The following HNF4G variants were observed in gnomAD, a reference collection of about 807,000 sequenced individuals.
The protein encoded by HNF4G is hepatocyte nuclear factor 4 gamma, also known as hepatocyte nuclear factor 4-gamma.
In HNF4G, 21 loss-of-function variants were observed where a neutral mutation model predicts 50.9. The observed-to-expected ratio is 0.41, with a 90% CI of 0.29 to 0.59. The LOEUF (loss-of-function observed/expected upper bound fraction) is 0.59, where lower values mean the gene tolerates loss of function less well. Among genes scored for constraint, HNF4G ranks in the 20% least tolerant of loss-of-function variants. HNF4G has a pLI of 0.26. For missense variants in HNF4G, 527 were observed against 559.4 expected (o/e 0.94, Z 0.58); for synonymous variants, 198 against 185.6 (o/e 1.07, Z -0.54).
intron 1 of HNF4G, among the ~76,000 whole-genome samples, chr8:75,451,529 G>T (rs192025696): frequency 1.4e-3 from 209 of 152,252 alleles, no homozygotes; most frequent in African/African-American, 4.7e-3. Context: ...AATGGTATGA[G>T]ATGAAGGTTA....
chr8:75,547,857 G>A (rs1806833571), intron 3 of HNF4G, among the ~76,000 whole-genome samples, 176 bp downstream of exon 3: 1 of 152,072 alleles, frequency 6.6e-6, no homozygotes, highest in Non-Finnish European at 1.5e-5. Flanking sequence ...CAGTTATTGA[G>A]TGGTATAGCC....
chr8:75,438,444 A>G (rs1251850466), intron 1 of HNF4G, among the ~76,000 whole-genome samples: 1 of 152,198 alleles, frequency 6.6e-6, no homozygotes, highest in Admixed American at 6.5e-5. Context: ...CCTGTCCCTA[A>G]CATCCAACCC....
intron 2 of HNF4G, among the ~76,000 whole-genome samples, chr8:75,546,154 T>C (rs550250781): frequency 6.0e-4 from 91 of 152,280 alleles, no homozygotes; most frequent in African/African-American, 1.9e-3. Context: ...TCAATATGTA[T>C]GGATAATTTT....
intron 1 of HNF4G, among the ~76,000 whole-genome samples, chr8:75,449,785 G>A (rs182302979): frequency 2.0e-5 from 3 of 152,108 alleles, no homozygotes; most frequent in Admixed American, 2.0e-4. Flanking sequence ...GGGATTACAG[G>A]CATGAGCCAC....
rs1472369294 is a variant in HNF4G, at chr8:75,565,078, A to G, written c.*982A>G. On this transcript the variant is annotated 3_prime_UTR_variant, in exon 10 of 10. Coordinates refer to ENST00000396423, the MANE Select transcript of HNF4G (RefSeq NM_004133.5). ...TATCATTATCGCTGTTTTATAAATAAGGGAAACTTTAGCTTGAGGGTTTAA... is the reference window on the plus strand; with the variant it reads ...TATCATTATCGCTGTTTTATAAATAGGGGAAACTTTAGCTTGAGGGTTTAA... 6.6e-6 allele frequency: 1 copy of G among 152,230 alleles called. No homozygotes were observed. The highest frequency in any genetic ancestry group is 2.4e-5 in the African/African-American group (1 of 41,462). The allele number at this position is 152,230 out of a possible 1,614,324, so 9.4% of individuals were successfully genotyped here.
chr8:75,541,257 T>A (rs2943553), intron 1 of HNF4G, among the ~76,000 whole-genome samples: 100,310 of 151,974 alleles, frequency 0.66, 35,038 homozygotes, highest in African/African-American at 0.9. Context: ...GAAATAACGA[T>A]TTTGTATGGC....
chr8:75,425,152 C>A (rs2130501496), intron 1 of HNF4G, among the ~76,000 whole-genome samples: 1 of 151,436 alleles, frequency 6.6e-6, no homozygotes, highest in Middle Eastern at 3.4e-3. Context: ...GTGGTGCAAT[C>A]TCGGCTCACT....
At chr8:75,437,562 G>A (rs977027413) in intron 1 of HNF4G, among the ~76,000 whole-genome samples, 16 of 152,212 alleles carry the variant, frequency 1.1e-4, no homozygotes, top group Admixed American at 3.3e-4. Flanking sequence ...TTTATAAAAT[G>A]TGACAAAAAT....
chr8:75,551,861 T>C (rs1165247659), intron 4 of HNF4G, among the ~76,000 whole-genome samples: 1 of 152,192 alleles, frequency 6.6e-6, no homozygotes, highest in Non-Finnish European at 1.5e-5. Flanking sequence ...TTGGTTGATA[T>C]TTGTTATCAG....
chr8:75,420,241 G>A (rs1265012728), intron 1 of HNF4G, among the ~76,000 whole-genome samples: 1 of 152,176 alleles, frequency 6.6e-6, no homozygotes, highest in African/African-American at 2.4e-5. Context: ...TATGTTGTCT[G>A]AGCCAATTGT....
chr8:75,493,195 A>C (rs1812676807), intron 2 of HNF4G, among the ~76,000 whole-genome samples: 1 of 152,150 alleles, frequency 6.6e-6, no homozygotes, highest in South Asian at 2.1e-4. Flanking sequence ...GGAGTGGACC[A>C]AATTTGTGTT....
Position 75,476,437 on chromosome 8 carries a change from C to T in HNF4G, c.-143-13652C>T, listed in dbSNP as rs896334195. On this transcript the variant is annotated intron_variant, in intron 1 of 10. Coordinates refer to the HNF4G transcript ENST00000354370. ...CAATAGGGTATAAGCATTCCCTTTT[C>T]TCCACACCCTTGACAAAATTGTTGA... Among the ~76,000 whole-genome samples the T allele has an allele frequency of 4.6e-5, 7 of 152,268 alleles. No individual in the cohort carries two copies. The East Asian group carries it at 1.4e-3, about 29-fold the overall frequency.
At chr8:75,458,699 C>A (rs1452246452) in intron 1 of HNF4G, among the ~76,000 whole-genome samples, 1 of 152,128 alleles carries the variant, frequency 6.6e-6, no homozygotes. Flanking sequence ...GCAATAACCT[C>A]CACTTACAGG....
intron 2 of HNF4G, among the ~76,000 whole-genome samples, chr8:75,498,316 G>T (rs928038809): frequency 3.9e-5 from 6 of 151,962 alleles, no homozygotes; most frequent in African/African-American, 1.5e-4. Context: ...AGATGAAATG[G>T]ACAAATTTCT....
chr8:75,526,943 T>G (rs1024605213), intron 2 of HNF4G: 2 of 151,914 alleles, frequency 1.3e-5, no homozygotes, highest in Non-Finnish European at 1.5e-5. Context: ...ATTTTTTTTT[T>G]CTTTTTGTAT....
intron 2 of HNF4G, among the ~76,000 whole-genome samples, chr8:75,544,192 T>C (rs1445446163): frequency 6.6e-6 from 1 of 152,172 alleles, no homozygotes; most frequent in Non-Finnish European, 1.5e-5. Context: ...TTACAGAAGG[T>C]ATATAAAAAA....
chr8:75,553,585 A>G (rs918891095), intron 5 of HNF4G, among the ~76,000 whole-genome samples: 6 of 152,096 alleles, frequency 3.9e-5, no homozygotes, highest in Admixed American at 2.0e-4. Flanking sequence ...TGAAGCTGCT[A>G]TATAAAACTC....
chr8:75,564,113 G>A lies in HNF4G; in HGVS notation c.*17G>A. On this transcript the variant is annotated 3_prime_UTR_variant, in exon 10 of 10. Coordinates refer to ENST00000396423, the MANE Select transcript of HNF4G (RefSeq NM_004133.5). The stretch of plus-strand genomic sequence containing the variant: ...CAATTGTGAAAATGTGTTTACTTCA[G>A]AACGGCACTACATAAATGTGAAAAG... 6.2e-7 allele frequency: 1 copy of A among 1,612,290 alleles called. No individual in the cohort carries two copies. The highest frequency in any genetic ancestry group is 8.5e-7 in the Non-Finnish European group (1 of 1,178,970).
intron 1 of HNF4G, among the ~76,000 whole-genome samples, chr8:75,467,150 T>G (rs1369087729): frequency 1.3e-5 from 2 of 152,228 alleles, no homozygotes; most frequent in African/African-American, 4.8e-5. Flanking sequence ...TTCTAGGTTT[T>G]TGGTTTTCCC....
Sources: allele counts gnomAD v4.1 joint callset (sites outside exome capture counted in the v4.1 genomes callset), GRCh38; gene constraint gnomAD v4.1.1; transcripts MANE v1.5; gene names NCBI Gene and HGNC (gene_info 2026-07-23, HGNC 2026-07-21).